PDZRN3: variants seen among roughly 807,000 people sequenced by gnomAD.
PDZRN3 encodes E3 ubiquitin-protein ligase PDZRN3.
PDZRN3 carries 38 observed loss-of-function variants against 85.7 expected under a neutral mutation model. The ratio of observed to expected loss-of-function variants is 0.44; its 90% CI spans 0.34 to 0.58. The LOEUF (loss-of-function observed/expected upper bound fraction) is 0.58. Ranked by LOEUF, PDZRN3 falls within the 20% of genes least tolerant of loss-of-function variation. The pLI is 0.01. For synonymous variants in PDZRN3, 759 were observed against 638.0 expected (o/e 1.19, Z -2.86); for missense variants, 1,629 against 1,506.4 (o/e 1.08, Z -1.35).
At chr3:73,389,384 A>G (rs1701471215) in intron 7 of PDZRN3, among the ~76,000 whole-genome samples, 1 of 152,208 alleles carries the variant, frequency 6.6e-6, no homozygotes, top group Non-Finnish European at 1.5e-5. Flanking sequence ...TAAATTTGCC[A>G]AAAATGTTCC....
At chr3:73,474,582 G>A (rs1335677807) in intron 3 of PDZRN3, 3 of 1,279,312 alleles carry the variant, frequency 2.3e-6, no homozygotes, top group African/African-American at 1.5e-5. Context: ...CAGGTCCGCA[G>A]TTTCATTGCG....
rs1704320870 is a variant in PDZRN3 at position 73,519,749 on chromosome 3, AT to A, written c.918+82604del. 2.0e-5 allele frequency among the ~76,000 whole-genome samples: 3 copies of A among 152,320 alleles called. No homozygotes were observed. In the South Asian group the frequency reaches 6.2e-4, roughly 32 times the overall value. ...GTGTTCCCCAGAACAGTAGCATCAC[AT>A]CACCCGGGAATGTGATAGGAGGGCA... On this transcript the variant is annotated intron_variant, in intron 3 of 9. Coordinates refer to ENST00000263666, the MANE Select transcript of PDZRN3 (RefSeq NM_015009.3).
intron 3 of PDZRN3, among the ~76,000 whole-genome samples, chr3:73,514,725 T>C (rs1043526067): frequency 1.3e-5 from 2 of 152,196 alleles, no homozygotes; most frequent in African/African-American, 4.8e-5. Context: ...TTCCAAGCAA[T>C]GAACTAAGCT....
At chr3:73,463,571 CTGTG>C (rs1575670968) in intron 3 of PDZRN3, among the ~76,000 whole-genome samples, 1 of 152,150 alleles carries the variant, frequency 6.6e-6, no homozygotes, top group East Asian at 1.9e-4. Context: ...CACTTTTACA[CTGTG>C]TGGGGAGTGT....
At chr3:73,447,039 G>A (rs1341536351) in intron 3 of PDZRN3, among the ~76,000 whole-genome samples, 2 of 40,540 alleles carry the variant, frequency 4.9e-5, no homozygotes, top group African/African-American at 8.1e-5. Flanking sequence ...CCAACCTCTT[G>A]ACTATATATA....
At chr3:73,468,889 GTAC>G (rs2106880628) in intron 3 of PDZRN3, among the ~76,000 whole-genome samples, 1 of 152,208 alleles carries the variant, frequency 6.6e-6, no homozygotes, top group Admixed American at 6.5e-5. Context: ...GGGATCATTA[GTAC>G]CTCCCTCAAA....
In PDZRN3 at chr3:73,574,452, T is replaced by TG. The variant is rs776864460; in HGVS notation, c.918+27901dup. ...ACAGGAAGAAGCACTTTTTTTTGGCTGGGGTGGGGGGGGTGGGGAGGGCGG... is the reference window on the plus strand; with the variant it reads ...ACAGGAAGAAGCACTTTTTTTTGGCTGGGGGTGGGGGGGGTGGGGAGGGCGG... On this transcript the variant is annotated intron_variant, in intron 3 of 9. Coordinates refer to ENST00000263666, the MANE Select transcript of PDZRN3 (RefSeq NM_015009.3). Among the ~76,000 whole-genome samples the TG allele has an allele frequency of 9.5e-3, 223 of 23,484 alleles. 3 individuals are homozygous for TG. Among genetic ancestry groups the TG allele is most frequent in the Admixed American group, 0.013 (38 of 3,018 alleles). 15.4% of individuals were successfully genotyped at this position (23,484 alleles called of 152,430 possible).
At chr3:73,400,771 T>C (rs907531791) in intron 5 of PDZRN3, 151 bp downstream of exon 5, 10 of 649,952 alleles carry the variant, frequency 1.5e-5, no homozygotes, top group African/African-American at 1.4e-4. Context: ...AGAATCTCAG[T>C]TGTGCCTTTC....
At chr3:73,414,904 A>G (rs540786327) in intron 3 of PDZRN3, among the ~76,000 whole-genome samples, 1 of 152,362 alleles carries the variant, frequency 6.6e-6, no homozygotes, top group South Asian at 2.1e-4. Context: ...AAGCCACTTT[A>G]TTGCAGGAAT....
In PDZRN3 at chr3:73,574,282, A is replaced by T. The variant is rs369279366; in HGVS notation, c.918+28072T>A. Among the ~76,000 whole-genome samples, 6 of 152,316 alleles carry T rather than the reference A, an allele frequency of 3.9e-5. No individual in the cohort carries two copies. In the East Asian group the frequency reaches 7.7e-4, roughly 20 times the overall value. On this transcript the variant is annotated intron_variant, in intron 3 of 9. Coordinates refer to ENST00000263666, the MANE Select transcript of PDZRN3 (RefSeq NM_015009.3). Reference sequence around the variant, plus strand: ...CCTCTTGACTGCTAATCTTCTCACCATCAAGAGAACTTGCCCTAGGATAAA... The same window carrying T: ...CCTCTTGACTGCTAATCTTCTCACCTTCAAGAGAACTTGCCCTAGGATAAA...
intron 3 of PDZRN3, among the ~76,000 whole-genome samples, chr3:73,482,721 C>T (rs1236617732): frequency 6.6e-6 from 1 of 152,118 alleles, no homozygotes; most frequent in South Asian, 2.1e-4. Context: ...GTCTGGACAG[C>T]CCCCCAGCAA....
intron 1 of PDZRN3, among the ~76,000 whole-genome samples, chr3:73,610,867 C>T (rs937573801): frequency 6.6e-6 from 1 of 152,158 alleles, no homozygotes; most frequent in Non-Finnish European, 1.5e-5. Context: ...ATGATAACAG[C>T]TAACATTTAC....
intron 3 of PDZRN3, among the ~76,000 whole-genome samples, chr3:73,502,657 C>A (rs1169517804): frequency 6.6e-6 from 1 of 152,192 alleles, no homozygotes; most frequent in East Asian, 1.9e-4. Context: ...AACCAGGCAG[C>A]TGTAAGAAAT....
Position 73,624,517 on chromosome 3 carries a change from C to G in PDZRN3, c.309G>C (p.Glu103Asp). The G allele has an allele frequency of 2.7e-6, 4 of 1,461,680 alleles. No homozygotes were observed. Among genetic ancestry groups the G allele is most frequent in the Non-Finnish European group, 1.8e-6 (2 of 1,113,222 alleles). 90.5% of individuals were successfully genotyped at this position (1,461,680 alleles called of 1,614,324 possible). The change falls in exon 1 of 10, where the codon GAG becomes GAC. Residue 103 changes from glutamate to aspartate, a missense_variant. By Grantham distance (45) the Glu-to-Asp change is conservative (BLOSUM62 2). Coordinates refer to ENST00000263666, the MANE Select transcript of PDZRN3 (RefSeq NM_015009.3). ...AGCGCGCGGGCGCGAAGTCGCAGCG[C>G]TCGAGGTGCTCCGGCAGCTGCTGCA... The part of the protein sequence containing the change: ...VKLQQLPEHL[E>D]RCDFAPARCR...
At chr3:73,438,567 T>C (rs1702574556) in intron 3 of PDZRN3, among the ~76,000 whole-genome samples, 1 of 152,190 alleles carries the variant, frequency 6.6e-6, no homozygotes, top group African/African-American at 2.4e-5. Context: ...TGTGGAGCAA[T>C]GGCATCCCTT....
chr3:73,390,088 G>C (rs986262596), intron 6 of PDZRN3, among the ~76,000 whole-genome samples: 4 of 152,174 alleles, frequency 2.6e-5, no homozygotes, highest in African/African-American at 9.7e-5. Flanking sequence ...TTGGATCCCT[G>C]TGTAGCAACC....
At chr3:73,590,418 C>T (rs1023165736) in intron 3 of PDZRN3, among the ~76,000 whole-genome samples, 2 of 152,156 alleles carry the variant, frequency 1.3e-5, no homozygotes, top group Non-Finnish European at 2.9e-5. Context: ...ACAATTCCGT[C>T]TAACTTGGCA....
intron 3 of PDZRN3, among the ~76,000 whole-genome samples, chr3:73,438,242 G>C (rs1372620231): frequency 6.6e-6 from 1 of 152,178 alleles, no homozygotes; most frequent in Admixed American, 6.5e-5. Context: ...GGCTTAAAGT[G>C]CCCAGGGAAT....
intron 3 of PDZRN3, among the ~76,000 whole-genome samples, chr3:73,419,492 C>CG (rs1702156664): frequency 6.6e-6 from 1 of 152,174 alleles, no homozygotes; most frequent in South Asian, 2.1e-4. Flanking sequence ...CCCCTGCACA[C>CG]GCAACGGCAG....
Sources: allele counts gnomAD v4.1 joint callset (sites outside exome capture counted in the v4.1 genomes callset), GRCh38; gene constraint gnomAD v4.1.1; transcripts MANE v1.5; gene names NCBI Gene and HGNC (gene_info 2026-07-23, HGNC 2026-07-21).